The following ZSCAN23 variants were observed in gnomAD, a reference collection of about 807,000 sequenced individuals.
The protein encoded by ZSCAN23 is zinc finger and SCAN domain-containing protein 23.
A neutral mutation model predicts 19.3 loss-of-function variants in ZSCAN23; 19 were observed. The observed-to-expected ratio is 0.99, with a 90% CI of 0.69 to 1.45. The LOEUF (loss-of-function observed/expected upper bound fraction) is 1.45, where lower values mean the gene tolerates loss of function less well. Ranked by LOEUF, ZSCAN23 falls within the 40% of genes most tolerant of loss-of-function variation. The pLI, the probability that ZSCAN23 is intolerant of heterozygous loss-of-function variation, is 0.00. For missense variants in ZSCAN23, 372 were observed against 462.5 expected (o/e 0.80, Z 1.79); for synonymous variants, 140 against 166.2 (o/e 0.84, Z 1.21).
chr6:28,436,949 C>G (rs1291062286), intron 1 of ZSCAN23, among the ~76,000 whole-genome samples: 1 of 152,122 alleles, frequency 6.6e-6, no homozygotes, highest in African/African-American at 2.4e-5. Context: ...ATGTTTTGAG[C>G]CTTGGTCTCT....
At chr6:28,432,416 G>A (rs945688303), downstream of ZSCAN23, among the ~76,000 whole-genome samples, 1 of 151,986 alleles carries the variant, frequency 6.6e-6, no homozygotes, top group Admixed American at 6.6e-5. Flanking sequence ...TATAATACCC[G>A]CAATAAGCCT....
intron 1 of ZSCAN23, among the ~76,000 whole-genome samples, chr6:28,440,801 C>A (rs577136195): frequency 1.5e-4 from 23 of 152,252 alleles, no homozygotes; most frequent in African/African-American, 5.3e-4. Flanking sequence ...TACAAATTTC[C>A]CTATTTTCTC....
chr6:28,426,667 G>C, the ZSCAN23 span, among the ~76,000 whole-genome samples: 1 of 152,220 alleles, frequency 6.6e-6, no homozygotes, highest in Non-Finnish European at 1.5e-5. Context: ...TGACAGACTT[G>C]CTTGATGCAG....
rs548712810 is a variant in ZSCAN23 at position 28,442,137 on chromosome 6, A to G, written c.-78+1262T>C. On this transcript the variant is annotated intron_variant, in intron 1 of 3. Transcript: ENST00000289788. ...CGTGATCTGCCCACCTCGGCCTCCC[A>G]AAGTGCTGGGATTACAGGCATGAAC... Among the ~76,000 whole-genome samples, 9 of 152,220 alleles carry G rather than the reference A, an allele frequency of 5.9e-5. No homozygotes were observed. The South Asian group carries it at 1.2e-3, about 21-fold the overall frequency.
chr6:28,437,526 T>G (rs1761917977), intron 1 of ZSCAN23, among the ~76,000 whole-genome samples: 1 of 152,100 alleles, frequency 6.6e-6, no homozygotes, highest in African/African-American at 2.4e-5. Flanking sequence ...GAGGTTGCAG[T>G]GGACTGAGAT....
the ZSCAN23 span, among the ~76,000 whole-genome samples, chr6:28,422,504 A>G: frequency 6.6e-6 from 1 of 152,194 alleles, no homozygotes; most frequent in African/African-American, 2.4e-5. This position sits in a 1 kb window ranked among gnomAD's most constrained non-coding sequence, Gnocchi z 4.0. Context: ...TGCACCTACT[A>G]AAGTTTTATG....
downstream of ZSCAN23, among the ~76,000 whole-genome samples, chr6:28,427,268 A>G (rs1761675391): frequency 6.6e-6 from 1 of 152,132 alleles, no homozygotes; most frequent in Admixed American, 6.5e-5. Context: ...ACTACTCCCA[A>G]TCTTCTAAGA....
chr6:28,435,581 T>C lies in ZSCAN23; in HGVS notation c.435A>G (p.Glu145=), dbSNP rs1310844861. 8 of 1,551,684 alleles carry C rather than the reference T, an allele frequency of 5.2e-6. No individual in the cohort carries two copies. Among genetic ancestry groups the C allele is most frequent in the Non-Finnish European group, 7.0e-6 (8 of 1,146,994 alleles). Residue 145 remains glutamate (E), a synonymous_variant, in exon 3 of 4, where the codon GAA becomes GAG. Transcript: ENST00000289788. ...EQVLSHAHEQ[E]EFVKEKATPG... ...GAGTTGCCTTCTCCTTTACAAACTC[T>C]TCCTGTTCATGAGCATGGCTCAGGA...
intron 3 of ZSCAN23, 72 bp downstream of exon 3, chr6:28,435,388 C>CT: frequency 6.6e-7 from 1 of 1,510,526 alleles, no homozygotes; most frequent in East Asian, 2.5e-5. Context: ...ACAGCAGACA[C>CT]TAAATAAATG....
At chr6:28,424,634 G>A in the ZSCAN23 span, among the ~76,000 whole-genome samples, 2 of 152,296 alleles carry the variant, frequency 1.3e-5, no homozygotes, top group African/African-American at 4.8e-5. Context: ...TTCCCCAGGA[G>A]TAGATTTCAT....
At chr6:28,435,716 A>G in intron 2 of ZSCAN23, 109 bp from the exon 3 acceptor site, 1 of 1,439,178 alleles carries the variant, frequency 6.9e-7, no homozygotes, top group Non-Finnish European at 9.2e-7. Context: ...TGGCAAAGAA[A>G]AAACAGAGGC....
chr6:28,436,234 C>T lies in ZSCAN23; in HGVS notation c.33G>A (p.Glu11=). ...TCACTGCCAGAAGTCCTTCCTGCAT[C>T]TCTGCAGTCTGAAGGGTCAAGGTTA... The part of the protein sequence containing the change: MAITLTLQTA[E]MQEGLLAVKV... Residue 11 remains glutamate, a synonymous_variant, in exon 2 of 4, where the codon GAG becomes GAA. Coordinates refer to ENST00000289788, the MANE Select transcript of ZSCAN23 (RefSeq NM_001012455.2). 6.4e-7 allele frequency: 1 copy of T among 1,551,482 alleles called. No individual in the cohort carries two copies. Among genetic ancestry groups the T allele is most frequent in the Non-Finnish European group, 8.7e-7 (1 of 1,146,832 alleles).
At chr6:28,436,409 GAGT>G (rs895470555) in intron 1 of ZSCAN23, 66 bp from the exon 2 acceptor site, 1 of 801,278 alleles carries the variant, frequency 1.2e-6, no homozygotes, top group African/African-American at 1.7e-5. Context: ...GGAGGGACTG[GAGT>G]ATTTACACTA....
intron 2 of ZSCAN23, 88 bp downstream of exon 2, chr6:28,435,771 A>T: frequency 6.9e-7 from 1 of 1,448,680 alleles, no homozygotes; most frequent in South Asian, 1.5e-5. Context: ...GCATAAAAAA[A>T]AAATCCTCCT....
At chr6:28,425,422 G>A in the ZSCAN23 span, among the ~76,000 whole-genome samples, 6 of 152,110 alleles carry the variant, frequency 3.9e-5, no homozygotes, top group Non-Finnish European at 8.8e-5. Flanking sequence ...CTGCTTCCCA[G>A]GCTCAAGCAA....
In ZSCAN23 at chr6:28,435,437, T is replaced by C. The variant is rs1164872679; in HGVS notation, c.556+23A>G. ...AATATTCAGGGAATGAGGTAGGCTG[T>C]CTGAGGAAATCCTGATCCTCACCAA... On this transcript the variant is annotated intron_variant, in intron 3 of 3. Transcript: ENST00000289788. 27 of 1,548,930 alleles carry C rather than the reference T, an allele frequency of 1.7e-5. No individual in the cohort carries two copies. The East Asian group carries it at 6.4e-4, about 36-fold the overall frequency.
rs183709987 is a variant in ZSCAN23 at position 28,439,137 on chromosome 6, G to A, written c.-77-2794C>T. ...TTTTGAGACGGAATCTCACCCTGTC[G>A]CCCAGGCTGGAGTGCAACAGCACGA... is the stretch of plus-strand genomic sequence containing the variant. On this transcript the variant is annotated intron_variant, in intron 1 of 3. Coordinates refer to ENST00000289788, the MANE Select transcript of ZSCAN23 (RefSeq NM_001012455.2). Among the ~76,000 whole-genome samples the A allele has an allele frequency of 4.0e-5, 6 of 149,818 alleles. No homozygotes were observed. The East Asian group carries it at 7.9e-4, about 20-fold the overall frequency.
the ZSCAN23 span, among the ~76,000 whole-genome samples, chr6:28,423,275 C>G: frequency 6.6e-6 from 1 of 152,202 alleles, no homozygotes; most frequent in Admixed American, 6.5e-5. Flanking sequence ...ATAAATAACT[C>G]TGGCCAATAA....
At chr6:28,423,470 T>G in the ZSCAN23 span, among the ~76,000 whole-genome samples, 3 of 152,314 alleles carry the variant, frequency 2.0e-5, no homozygotes, top group East Asian at 5.8e-4. Flanking sequence ...GATGCTCCTA[T>G]ACCCAGGCCT....
Sources: gnomAD v4.1 joint callset for allele counts (sites outside exome capture counted in the v4.1 genomes callset) on GRCh38, gnomAD v4.1.1 for gene constraint, Gnocchi (gnomAD v3.1) non-coding constraint, MANE v1.5 for transcripts, NCBI Gene and HGNC (gene_info 2026-07-23, HGNC 2026-07-21) for gene names.